Variants in DCK observed in about 807,000 individuals in gnomAD.
DCK encodes the protein deoxyadenosine kinase.
DCK carries 23 observed loss-of-function variants against 38.3 expected under a neutral mutation model. The ratio of observed to expected loss-of-function variants is 0.60; its 90% CI spans 0.43 to 0.85. The LOEUF is 0.85. DCK is among the 40% of genes least tolerant of loss of function. The probability of loss-of-function intolerance (pLI) is 0.00; values close to 1 mark genes in which losing one functional copy is unlikely to be tolerated. For missense variants in DCK, 259 were observed against 304.4 expected, an observed-to-expected ratio of 0.85 and a Z score of 1.11; for synonymous variants, 108 against 100.6, an observed-to-expected ratio of 1.07 and a Z score of -0.44.
At chr4:71,025,117 A>G (rs1428075837) in intron 4 of DCK, among the ~76,000 whole-genome samples, 3 of 152,190 alleles carry the variant, frequency 2.0e-5, no homozygotes, top group African/African-American at 7.2e-5. Context: ...TTCTCATGGT[A>G]TATGAGCCCC....
chr4:71,014,956 C>T (rs1265179208), intron 2 of DCK, among the ~76,000 whole-genome samples: 1 of 152,038 alleles, frequency 6.6e-6, no homozygotes, highest in Non-Finnish European at 1.5e-5. Context: ...CACAAAAAAC[C>T]CTTCAAAAAA....
intron 1 of DCK, among the ~76,000 whole-genome samples, chr4:70,995,061 C>G (rs1739632088): frequency 6.6e-6 from 1 of 152,164 alleles, no homozygotes; most frequent in Admixed American, 6.5e-5. Flanking sequence ...AAAGGCCAGG[C>G]AAGCAGATGC....
At chr4:70,997,019 A>T (rs923959520) in intron 1 of DCK, among the ~76,000 whole-genome samples, 1 of 152,166 alleles carries the variant, frequency 6.6e-6, no homozygotes, top group Non-Finnish European at 1.5e-5. Context: ...TGTTAGTGTG[A>T]TTGGGAACTC....
At chr4:70,999,880 T>C (rs548237675) in intron 2 of DCK, among the ~76,000 whole-genome samples, 21 of 152,324 alleles carry the variant, frequency 1.4e-4, no homozygotes, top group African/African-American at 2.4e-4. Flanking sequence ...TGTTTTTTTT[T>C]CTTGTAAATT....
chr4:71,015,977 A>C (rs1256410600), intron 2 of DCK, among the ~76,000 whole-genome samples: 1 of 152,210 alleles, frequency 6.6e-6, no homozygotes, highest in Admixed American at 6.5e-5. Context: ...CAATTAGGAA[A>C]AGAGGAAGTC....
intron 1 of DCK, among the ~76,000 whole-genome samples, chr4:70,996,700 A>G (rs1202588098): frequency 1.3e-5 from 2 of 152,150 alleles, no homozygotes; most frequent in African/African-American, 2.4e-5. Flanking sequence ...TAGAATTTGA[A>G]CTTTACTTGG....
In DCK at chr4:71,008,421, A is replaced by G. The variant is rs60946949; in HGVS notation, c.207+10239A>G. 1.0e-3 allele frequency among the ~76,000 whole-genome samples: 153 copies of G among 152,278 alleles called. 3 individuals carry two copies. In the East Asian group the frequency reaches 0.026, roughly 26 times the overall value. ...GTTTATTAGTCATTTTGATTTTTGC[A>G]AAGTGCCCACTTGGGTCCTTTTGCC... is the stretch of plus-strand genomic sequence containing the variant. On this transcript the variant is annotated intron_variant, in intron 2 of 6. Coordinates refer to ENST00000286648, the MANE Select transcript of DCK (RefSeq NM_000788.3).
At chr4:71,013,893 A>C (rs531702707) in intron 2 of DCK, among the ~76,000 whole-genome samples, 3 of 152,248 alleles carry the variant, frequency 2.0e-5, no homozygotes, top group South Asian at 2.1e-4. Flanking sequence ...TGACAGGATC[A>C]AATTCACACA....
chr4:71,028,572 A>G, intron 6 of DCK: 1 of 413,828 alleles, frequency 2.4e-6, no homozygotes, highest in Admixed American at 2.8e-5. Flanking sequence ...TAGGTCATTC[A>G]TCTTTTACTA....
At chr4:71,005,508 AT>A (rs748284378) in intron 2 of DCK, among the ~76,000 whole-genome samples, 2,155 of 142,272 alleles carry the variant, frequency 0.015, 9 homozygotes, top group African/African-American at 0.016. Flanking sequence ...GTCTTTTCTA[AT>A]TTTTTTTTTT....
At chr4:71,024,248 A>C (rs1045617112) in intron 4 of DCK, among the ~76,000 whole-genome samples, 5 of 152,076 alleles carry the variant, frequency 3.3e-5, no homozygotes, top group African/African-American at 1.2e-4. Context: ...TATCGTTGGG[A>C]AAAGACTTAG....
intron 2 of DCK, among the ~76,000 whole-genome samples, chr4:71,013,555 G>T (rs1208378170): frequency 6.6e-6 from 1 of 152,196 alleles, no homozygotes; most frequent in Admixed American, 6.5e-5. Context: ...ACTAACAGTG[G>T]ATCTCGCGGC....
intron 4 of DCK, among the ~76,000 whole-genome samples, chr4:71,024,511 T>C (rs1740502843): frequency 6.6e-6 from 1 of 152,142 alleles, no homozygotes; most frequent in Non-Finnish European, 1.5e-5. Flanking sequence ...GGGTAGGCAC[T>C]GATGAATGTA....
chr4:71,011,106 C>G (rs1366278249), intron 2 of DCK, among the ~76,000 whole-genome samples: 1 of 151,788 alleles, frequency 6.6e-6, no homozygotes, highest in Non-Finnish European at 1.5e-5. Flanking sequence ...CCACGCCTGG[C>G]TAATTTTTGT....
chr4:70,996,417 A>G (rs1055284459), intron 1 of DCK, among the ~76,000 whole-genome samples: 2 of 152,220 alleles, frequency 1.3e-5, no homozygotes, highest in Non-Finnish European at 2.9e-5. Context: ...GAGATTTCCC[A>G]TAAACAATTA....
At chr4:71,004,670 A>C (rs1195018178) in intron 2 of DCK, among the ~76,000 whole-genome samples, 4 of 152,190 alleles carry the variant, frequency 2.6e-5, no homozygotes, top group African/African-American at 9.6e-5. Context: ...GAGAGGAGGA[A>C]TCTAGAGAGG....
chr4:71,001,499 T>G (rs1739799984), intron 2 of DCK, among the ~76,000 whole-genome samples: 1 of 152,180 alleles, frequency 6.6e-6, no homozygotes, highest in South Asian at 2.1e-4. Flanking sequence ...GATGCTGGCC[T>G]CAAAAAATGA....
Position 71,012,701 on chromosome 4 carries a change from G to A in DCK, c.208-9666G>A, listed in dbSNP as rs574030389. 1.2e-3 allele frequency among the ~76,000 whole-genome samples: 185 copies of A among 152,364 alleles called. 1 individual carries two copies. Among genetic ancestry groups the A allele is most frequent in the Non-Finnish European group, 2.2e-3 (148 of 68,046 alleles). On this transcript the variant is annotated intron_variant, in intron 2 of 6. Transcript: ENST00000286648. Reference sequence around the variant, plus strand: ...CAAACTCCAACAGACCAGCAGCTGAGGGTCCTGGCTGTTAGAAGGAAAACT... The same window carrying A: ...CAAACTCCAACAGACCAGCAGCTGAAGGTCCTGGCTGTTAGAAGGAAAACT...
At chr4:70,995,307 C>T (rs1352722554) in intron 1 of DCK, among the ~76,000 whole-genome samples, 1 of 152,184 alleles carries the variant, frequency 6.6e-6, no homozygotes, top group East Asian at 1.9e-4. Context: ...AAATTTGAGG[C>T]AGGGCATGGA....
Sources: gnomAD v4.1 joint callset for allele counts (sites outside exome capture counted in the v4.1 genomes callset) on GRCh38, gnomAD v4.1.1 for gene constraint, MANE v1.5 for transcripts, NCBI Gene and HGNC (gene_info 2026-07-23, HGNC 2026-07-21) for gene names.